The following HIRA variants were observed in gnomAD, a reference collection of about 807,000 sequenced individuals.
The protein encoded by HIRA is protein HIRA.
In HIRA, 13 loss-of-function variants were observed where a neutral mutation model predicts 126.6. The ratio of observed to expected loss-of-function variants is 0.10; its 90% CI spans 0.07 to 0.16. The LOEUF is 0.16. HIRA is among the 10% of genes least tolerant of loss of function. HIRA has a pLI of 1.00. For missense variants in HIRA, 834 were observed against 1,314.4 expected, an observed-to-expected ratio of 0.63 and a Z score of 5.65; for synonymous variants, 511 against 520.0, an observed-to-expected ratio of 0.98 and a Z score of 0.24.
At chr22:19,406,231 C>G (rs1284266690) in intron 4 of HIRA, among the ~76,000 whole-genome samples, 2 of 152,182 alleles carry the variant, frequency 1.3e-5, no homozygotes, top group Non-Finnish European at 2.9e-5. Flanking sequence ...ACACACATCC[C>G]AAAATGTCAA....
chr22:19,430,776 G>A (rs2146265466), intron 1 of HIRA, among the ~76,000 whole-genome samples: 1 of 152,316 alleles, frequency 6.6e-6, no homozygotes, highest in East Asian at 1.9e-4. Context: ...ATATGGGGTG[G>A]ATGAGTCCGT....
chr22:19,409,366 C>G lies in HIRA; in HGVS notation c.101-773G>C, dbSNP rs1374859223. 2.0e-5 allele frequency among the ~76,000 whole-genome samples: 3 copies of G among 152,062 alleles called. No individual in the cohort carries two copies. The South Asian group carries it at 6.2e-4, about 32-fold the overall frequency. On this transcript the variant is annotated intron_variant, in intron 2 of 24. Transcript: ENST00000263208. ...TGGCACGATCTCGGCTCACTGCAACCTCCGCCTCGCAGGTTCCAGCGATTC... is the reference window on the plus strand; with the variant it reads ...TGGCACGATCTCGGCTCACTGCAACGTCCGCCTCGCAGGTTCCAGCGATTC...
At chr22:19,353,586 G>C (rs1601811370) in intron 22 of HIRA, 67 bp from the exon 23 acceptor site, 2 of 1,460,660 alleles carry the variant, frequency 1.4e-6, no homozygotes, top group Non-Finnish European at 1.8e-6. Flanking sequence ...AACTGCCCCC[G>C]TGTGCAACAG....
At chr22:19,339,370 C>T (rs370605250) in intron 24 of HIRA, among the ~76,000 whole-genome samples, 7 of 152,084 alleles carry the variant, frequency 4.6e-5, no homozygotes, top group Non-Finnish European at 8.8e-5. Context: ...CACGGTGGCT[C>T]GTGTCTGTAA....
At chr22:19,380,129 A>G (rs1411826968) in intron 13 of HIRA, among the ~76,000 whole-genome samples, 1 of 152,142 alleles carries the variant, frequency 6.6e-6, no homozygotes, top group Non-Finnish European at 1.5e-5. Context: ...AAATGCACTA[A>G]AATTTTAAAA....
chr22:19,428,086 A>T (rs2089502186), intron 1 of HIRA, among the ~76,000 whole-genome samples: 1 of 152,192 alleles, frequency 6.6e-6, no homozygotes, highest in African/African-American at 2.4e-5. Context: ...GGAAGAGGTA[A>T]GTCTTATTTT....
intron 9 of HIRA, among the ~76,000 whole-genome samples, chr22:19,390,101 G>A (rs2089164556): frequency 6.6e-6 from 1 of 152,104 alleles, no homozygotes; most frequent in Admixed American, 6.5e-5. Flanking sequence ...GCATGCGGAG[G>A]TGTCTCTTAC....
At chr22:19,368,456 T>C (rs1202507598) in intron 15 of HIRA, among the ~76,000 whole-genome samples, 1 of 152,140 alleles carries the variant, frequency 6.6e-6, no homozygotes, top group African/African-American at 2.4e-5. Context: ...TGTCAGACAT[T>C]TGCCTCTTCA....
intron 5 of HIRA, among the ~76,000 whole-genome samples, chr22:19,402,621 A>T (rs558721570): frequency 6.6e-5 from 10 of 152,298 alleles, no homozygotes; most frequent in African/African-American, 2.2e-4. Flanking sequence ...ATATGAAATA[A>T]TGTCACCTTC....
In HIRA at chr22:19,363,890, G is replaced by A. The variant is rs190518867; in HGVS notation, c.1776-1959C>T. ...CGCACTCCAGCCTGGGCAATAGAGC[G>A]AGACTCTGTCTCGAAAAAACCCAAA... On this transcript the variant is annotated intron_variant, in intron 15 of 24. Coordinates refer to ENST00000263208, the MANE Select transcript of HIRA (RefSeq NM_003325.4). 5.2e-3 allele frequency among the ~76,000 whole-genome samples: 796 copies of A among 152,270 alleles called. 8 individuals are homozygous for A. Among genetic ancestry groups the A allele is most frequent in the Non-Finnish European group, 7.0e-3 (473 of 68,014 alleles).
At chr22:19,396,189 G>A (rs2089222145) in intron 7 of HIRA, among the ~76,000 whole-genome samples, 1 of 152,146 alleles carries the variant, frequency 6.6e-6, no homozygotes, top group African/African-American at 2.4e-5. Context: ...AGAATGATGT[G>A]GAGACATCTC....
chr22:19,396,088 T>TGCCCCGGC (rs3080867), intron 7 of HIRA, among the ~76,000 whole-genome samples: 4 of 151,844 alleles, frequency 2.6e-5, no homozygotes, highest in African/African-American at 9.7e-5. Context: ...TCCTCCATCC[T>TGCCCCGGC]CCCCAACAAG....
At chr22:19,419,018 T>G (rs2146253559) in intron 1 of HIRA, among the ~76,000 whole-genome samples, 1 of 152,202 alleles carries the variant, frequency 6.6e-6, no homozygotes, top group African/African-American at 2.4e-5. Flanking sequence ...GAGGTAAATA[T>G]CCAAACACCA....
chr22:19,389,911 AAACT>A (rs2089162389), intron 9 of HIRA, among the ~76,000 whole-genome samples: 1 of 152,154 alleles, frequency 6.6e-6, no homozygotes, highest in Admixed American at 6.5e-5. Context: ...TCTCTATACC[AAACT>A]AATAAATGCA....
At chr22:19,408,934 G>C (rs1225385528) in intron 2 of HIRA, among the ~76,000 whole-genome samples, 4 of 152,172 alleles carry the variant, frequency 2.6e-5, no homozygotes, top group Admixed American at 2.6e-4. Flanking sequence ...CCAGCACCTA[G>C]ACTCCGACTC....
At chr22:19,377,724 C>G in intron 14 of HIRA, 145 bp downstream of exon 14, 3 of 697,740 alleles carry the variant, frequency 4.3e-6, no homozygotes, top group Non-Finnish European at 4.8e-6. Context: ...TCTGAGAAGT[C>G]CCCATTTCAA....
intron 24 of HIRA, among the ~76,000 whole-genome samples, chr22:19,344,249 G>A (rs1340318055): frequency 1.3e-5 from 2 of 151,840 alleles, no homozygotes; most frequent in Non-Finnish European, 2.9e-5. Context: ...TTGAAAAGAT[G>A]AACAAAATTG....
At chr22:19,411,778 T>C (rs1003662207) in intron 1 of HIRA, among the ~76,000 whole-genome samples, 3 of 152,108 alleles carry the variant, frequency 2.0e-5, no homozygotes, top group Non-Finnish European at 2.9e-5. Flanking sequence ...GTGGACACAG[T>C]ACCAGAGTCA....
At chr22:19,399,110 T>G in intron 5 of HIRA, 1 of 985,040 alleles carries the variant, frequency 1.0e-6, no homozygotes, top group South Asian at 4.7e-5. Context: ...GCTGTGACGA[T>G]GGTGCCAACC....
Sources: gnomAD v4.1 joint callset for allele counts (sites outside exome capture counted in the v4.1 genomes callset) on GRCh38, gnomAD v4.1.1 for gene constraint, MANE v1.5 for transcripts, NCBI Gene and HGNC (gene_info 2026-07-23, HGNC 2026-07-21) for gene names.